NFAT5: variants seen among roughly 807,000 people sequenced by gnomAD.
The protein encoded by NFAT5 is nuclear factor of activated T-cells 5.
Under a neutral mutation model 166.5 loss-of-function variants are expected in NFAT5, and 31 were observed. The observed-to-expected ratio is 0.19, with a 90% confidence interval of 0.14 to 0.25. The LOEUF (loss-of-function observed/expected upper bound fraction) is 0.25. NFAT5 is among the 10% of genes least tolerant of loss of function. NFAT5 has a pLI of 1.00. For synonymous variants in NFAT5, 612 were observed against 639.7 expected (o/e 0.96, Z 0.65); for missense variants, 1,449 against 1,821.8 (o/e 0.80, Z 3.72).
chr16:69,674,853 T>G (rs932669087), intron 9 of NFAT5, among the ~76,000 whole-genome samples: 1 of 152,234 alleles, frequency 6.6e-6, no homozygotes, highest in African/African-American at 2.4e-5. Flanking sequence ...TATTTGAATC[T>G]AAGCAGATTT....
rs781038720 is a variant in NFAT5 at position 69,684,870 on chromosome 16, A to T, written c.1691-17A>T. ...ATGAGTAAATGTAGATAAATACATTAATCTTTTTTTTAATAGCAGCAGCTG... is the reference window on the plus strand; with the variant it reads ...ATGAGTAAATGTAGATAAATACATTTATCTTTTTTTTAATAGCAGCAGCTG... On this transcript the variant is annotated splice_polypyrimidine_tract_variant and intron_variant, in intron 10 of 14. Transcript: ENST00000349945. The T allele has an allele frequency of 5.8e-6, 9 of 1,550,478 alleles. No homozygotes were observed. The highest frequency in any genetic ancestry group is 7.9e-6 in the Non-Finnish European group (9 of 1,135,334).
At chr16:69,638,443 C>A (rs1018996892) in intron 3 of NFAT5, among the ~76,000 whole-genome samples, 1 of 150,306 alleles carries the variant, frequency 6.7e-6, no homozygotes, top group Admixed American at 6.6e-5. Context: ...TTAAAAAAAA[C>A]AAACGTAGGG....
chr16:69,609,837 A>C (rs970953490), intron 2 of NFAT5, among the ~76,000 whole-genome samples: 1 of 151,180 alleles, frequency 6.6e-6, no homozygotes, highest in Non-Finnish European at 1.5e-5. Flanking sequence ...AAAAAAAAAA[A>C]AAAAGAAAAA....
rs905839746 is a variant in NFAT5 at position 69,699,189 on chromosome 16, T to A, written c.*2838T>A. ...CTATCTGTTCAAGTTCTAATTAGGA[T>A]GATTGTTAATACTGCACTGTGGATG... On this transcript the variant is annotated 3_prime_UTR_variant, in exon 15 of 15. Transcript: ENST00000349945. 6.5e-6 allele frequency: 1 copy of A among 153,300 alleles called. No individual in the cohort carries two copies. Among genetic ancestry groups the A allele is most frequent in the Non-Finnish European group, 1.5e-5 (1 of 68,040 alleles). The allele number at this position is 153,300 out of a possible 1,614,324, so 9.5% of individuals were successfully genotyped here. A position where few individuals can be genotyped will look rare whatever the true frequency, so the allele number is the denominator to read the frequency against.
intron 11 of NFAT5, among the ~76,000 whole-genome samples, chr16:69,687,411 A>T (rs1454406660): frequency 6.8e-6 from 1 of 146,936 alleles, no homozygotes; most frequent in Admixed American, 7.0e-5. Context: ...ACTGCACTCC[A>T]GCTTGGGCAA....
intron 6 of NFAT5, among the ~76,000 whole-genome samples, chr16:69,657,491 T>A (rs1268137935): frequency 6.7e-6 from 1 of 150,050 alleles, no homozygotes; most frequent in East Asian, 2.1e-4. Context: ...GGGCACGCAG[T>A]GGCTCACACC....
At chr16:69,645,065 T>C (rs986368675) in intron 3 of NFAT5, among the ~76,000 whole-genome samples, 3 of 152,208 alleles carry the variant, frequency 2.0e-5, no homozygotes, top group African/African-American at 7.2e-5. Context: ...ATGTAATACC[T>C]TTTCTATTTT....
At chr16:69,623,082 T>G (rs1597418191) in intron 2 of NFAT5, among the ~76,000 whole-genome samples, 1 of 151,886 alleles carries the variant, frequency 6.6e-6, no homozygotes, top group Non-Finnish European at 1.5e-5. Context: ...GAGGCGGAGG[T>G]TGTGGTGAGC....
At chr16:69,576,348 A>G (rs898501533) in intron 2 of NFAT5, among the ~76,000 whole-genome samples, 2 of 152,000 alleles carry the variant, frequency 1.3e-5, no homozygotes, top group Non-Finnish European at 2.9e-5. Context: ...TTGGGCCCTA[A>G]TAAGATTACA....
intron 2 of NFAT5, among the ~76,000 whole-genome samples, chr16:69,581,269 C>T (rs899321631): frequency 6.6e-6 from 1 of 151,970 alleles, no homozygotes; most frequent in Non-Finnish European, 1.5e-5. Flanking sequence ...CTCGAACTCC[C>T]GAGTTCCTTT....
chr16:69,699,174 A>G lies in NFAT5; in HGVS notation c.*2823A>G, dbSNP rs182149341. ...GGAGACTAAAGAAATCTATCTGTTC[A>G]AGTTCTAATTAGGATGATTGTTAAT... On this transcript the variant is annotated 3_prime_UTR_variant, in exon 15 of 15. Transcript: ENST00000349945. 1 of 153,292 alleles carries G rather than the reference A, an allele frequency of 6.5e-6. No individual in the cohort carries two copies. The highest frequency in any genetic ancestry group is 6.5e-5 in the Admixed American group (1 of 15,308). 9.5% of individuals were successfully genotyped at this position (153,292 alleles called of 1,614,324 possible).
chr16:69,568,782 T>C (rs1403785535), intron 2 of NFAT5, among the ~76,000 whole-genome samples: 2 of 152,218 alleles, frequency 1.3e-5, no homozygotes, highest in Non-Finnish European at 2.9e-5. Context: ...AAAATCATTT[T>C]AAATTATGTG....
intron 9 of NFAT5, among the ~76,000 whole-genome samples, chr16:69,673,612 A>C (rs1038137340): frequency 2.6e-5 from 4 of 152,116 alleles, no homozygotes; most frequent in African/African-American, 9.7e-5. Flanking sequence ...AGTTCCAGCT[A>C]CTTGGGAGGC....
intron 3 of NFAT5, among the ~76,000 whole-genome samples, chr16:69,630,277 G>C (rs2034655228): frequency 6.6e-6 from 1 of 151,994 alleles, no homozygotes; most frequent in Non-Finnish European, 1.5e-5. Flanking sequence ...GGTGATCCTC[G>C]AGGCTTGGCC....
At chr16:69,694,308 G>GC in intron 13 of NFAT5, 69 bp downstream of exon 13, 1 of 1,244,248 alleles carries the variant, frequency 8.0e-7, no homozygotes, top group Non-Finnish European at 1.1e-6. Context: ...GAGTGCAGTG[G>GC]TGCGATCTCA....
chr16:69,642,320 A>G (rs1196525023), intron 3 of NFAT5, among the ~76,000 whole-genome samples: 1 of 152,162 alleles, frequency 6.6e-6, no homozygotes, highest in East Asian at 1.9e-4. Flanking sequence ...TGGTCTGATA[A>G]CTGGCTACTG....
chr16:69,579,117 G>A (rs1294106941), intron 2 of NFAT5, among the ~76,000 whole-genome samples: 1 of 151,996 alleles, frequency 6.6e-6, no homozygotes, highest in Non-Finnish European at 1.5e-5. Flanking sequence ...CTTGTGATCC[G>A]CCTGTCTCAG....
intron 2 of NFAT5, among the ~76,000 whole-genome samples, chr16:69,570,706 C>A (rs562438151): frequency 6.6e-6 from 1 of 152,286 alleles, no homozygotes; most frequent in African/African-American, 2.4e-5. Context: ...AGACAGAGTG[C>A]TGCAGGAGGC....
rs1422933343 is a variant in NFAT5 at position 69,692,115 on chromosome 16, C to G, written c.2290C>G (p.Leu764Val). Residue 764 changes from leucine to valine, a missense_variant, in exon 13 of 15, where the codon CTA becomes GTA. Leu to Val is a conservative substitution (Grantham distance 32). Around this residue, in one of 7 missense-constraint regions of NFAT5, gnomAD observed 891 missense variants for 993.0 expected, o/e 0.90. Transcript: ENST00000349945. ...EASQQQQQSPLQEQAQTLQQQ... is the reference protein window; with the variant it reads ...EASQQQQQSPVQEQAQTLQQQ... ...ATCACAACAACAGCAGCAGTCACCA[C>G]TACAAGAACAAGCACAGACTTTACA... 6.2e-7 allele frequency: 1 copy of G among 1,614,160 alleles called. No homozygotes were observed. Among genetic ancestry groups the G allele is most frequent in the Non-Finnish European group, 8.5e-7 (1 of 1,180,046 alleles).
Sources: gnomAD v4.1 joint callset for allele counts (sites outside exome capture counted in the v4.1 genomes callset) on GRCh38, gnomAD v4.1.1 for gene constraint, gnomAD v4.1.1 regional missense constraint, MANE v1.5 for transcripts, NCBI Gene and HGNC (gene_info 2026-07-23, HGNC 2026-07-21) for gene names.